PHF20: variants seen among roughly 807,000 people sequenced by gnomAD.
PHF20 encodes glioma-expressed antigen 2.
In PHF20, 23 loss-of-function variants were observed where a neutral mutation model predicts 113.5. That is an observed-to-expected ratio of 0.20 (90% CI 0.15 to 0.29). The LOEUF (loss-of-function observed/expected upper bound fraction) is 0.29. PHF20 is among the 10% of genes least tolerant of loss of function. The probability of loss-of-function intolerance (pLI) is 1.00; values close to 1 mark genes in which losing one functional copy is unlikely to be tolerated. For missense variants in PHF20, 943 were observed against 1,219.6 expected, an observed-to-expected ratio of 0.77 and a Z score of 3.38; for synonymous variants, 434 against 457.3, an observed-to-expected ratio of 0.95 and a Z score of 0.65.
chr20:35,789,391 A>G (rs560423463), intron 1 of PHF20, among the ~76,000 whole-genome samples: 85 of 148,780 alleles, frequency 5.7e-4, no homozygotes, highest in African/African-American at 2.1e-3. Context: ...AGATTGTGCC[A>G]TTGCACTCCA....
At chr20:35,907,308 G>T (rs1600913797) in intron 10 of PHF20, among the ~76,000 whole-genome samples, 2 of 152,312 alleles carry the variant, frequency 1.3e-5, no homozygotes, top group South Asian at 4.1e-4. Context: ...CCTGCAGCTT[G>T]GGGAGAGGAC....
chr20:35,814,031 C>CT (rs1258220059), intron 2 of PHF20, among the ~76,000 whole-genome samples: 7 of 150,290 alleles, frequency 4.7e-5, no homozygotes, highest in Non-Finnish European at 7.4e-5. Context: ...GAATAAGACT[C>CT]TATCTCTAAA....
At chr20:35,820,502 G>A (rs2042150040) in intron 2 of PHF20, among the ~76,000 whole-genome samples, 1 of 148,144 alleles carries the variant, frequency 6.8e-6, no homozygotes, top group Admixed American at 6.8e-5. Flanking sequence ...AGGCTGGAGT[G>A]CAGTGGCATG....
At chr20:35,902,852 A>G (rs917080731) in intron 10 of PHF20, among the ~76,000 whole-genome samples, 4 of 152,138 alleles carry the variant, frequency 2.6e-5, no homozygotes, top group Admixed American at 2.0e-4. Flanking sequence ...GGCCTATAAT[A>G]AACTCTGAAT....
At chr20:35,880,199 A>C (rs915555591) in intron 9 of PHF20, among the ~76,000 whole-genome samples, 4 of 152,152 alleles carry the variant, frequency 2.6e-5, no homozygotes, top group African/African-American at 9.7e-5. Flanking sequence ...TTGGTGCTTT[A>C]GCGGCAGGGA....
rs143750982 is a variant in PHF20 at position 35,911,031 on chromosome 20, C to T, written c.1562-2218C>T. 1.4e-3 allele frequency among the ~76,000 whole-genome samples: 209 copies of T among 151,968 alleles called. 2 individuals carry two copies. The Middle Eastern group carries it at 0.017, about 12-fold the overall frequency. On this transcript the variant is annotated intron_variant, in intron 10 of 17. Transcript: ENST00000374012. ...TTTGAGATTCACTTATGTTGCTGTT[C>T]GTACCTTTTTTTCTATTTTTATTTT... is the stretch of plus-strand genomic sequence containing the variant.
chr20:35,783,450 CTG>C (rs1386074288), intron 1 of PHF20, among the ~76,000 whole-genome samples: 1 of 151,864 alleles, frequency 6.6e-6, no homozygotes, highest in Non-Finnish European at 1.5e-5. Context: ...GACTCTCACT[CTG>C]TTGCTCAGGT....
chr20:35,810,640 G>A (rs2041960697), intron 2 of PHF20, among the ~76,000 whole-genome samples: 1 of 152,112 alleles, frequency 6.6e-6, no homozygotes, highest in South Asian at 2.1e-4. Flanking sequence ...ACTAGGGTTT[G>A]AATCAAAGTA....
intron 9 of PHF20, among the ~76,000 whole-genome samples, chr20:35,895,396 G>T (rs528064993): frequency 6.6e-6 from 1 of 152,118 alleles, no homozygotes; most frequent in African/African-American, 2.4e-5. Flanking sequence ...GACTGCAAGT[G>T]ATCTGCCCGC....
intron 4 of PHF20, among the ~76,000 whole-genome samples, chr20:35,849,174 AAGTT>A (rs2042674565): frequency 6.6e-6 from 1 of 152,140 alleles, no homozygotes; most frequent in African/African-American, 2.4e-5. Context: ...CTGAAACAGA[AAGTT>A]AGTGGGGCAG....
intron 1 of PHF20, among the ~76,000 whole-genome samples, chr20:35,795,973 C>T (rs1489287781): frequency 6.6e-6 from 1 of 152,096 alleles, no homozygotes; most frequent in African/African-American, 2.4e-5. Flanking sequence ...GCCTCAGCCT[C>T]CTGAGTAGCT....
intron 2 of PHF20, among the ~76,000 whole-genome samples, chr20:35,837,488 TCTGC>T (rs1366603303): frequency 1.3e-5 from 2 of 152,230 alleles, no homozygotes; most frequent in Admixed American, 1.3e-4. Context: ...CTCTTCCTTT[TCTGC>T]CTGTACAAAT....
chr20:35,851,973 G>A (rs2042741256), intron 4 of PHF20, among the ~76,000 whole-genome samples: 1 of 151,938 alleles, frequency 6.6e-6, no homozygotes, highest in African/African-American at 2.4e-5. Flanking sequence ...TGACTTGGTG[G>A]TATTGATCCC....
chr20:35,920,382 A>G (rs1056926789), intron 13 of PHF20, among the ~76,000 whole-genome samples: 9 of 152,234 alleles, frequency 5.9e-5, no homozygotes, highest in African/African-American at 2.4e-5. Flanking sequence ...GAACTAAAGC[A>G]ACTCTATGGA....
At chr20:35,800,523 C>T (rs986851538) in intron 1 of PHF20, among the ~76,000 whole-genome samples, 1 of 152,322 alleles carries the variant, frequency 6.6e-6, no homozygotes, top group Non-Finnish European at 1.5e-5. Context: ...GTAATACCAG[C>T]ACTTTGGGAG....
chr20:35,801,809 T>C (rs2041786726), intron 2 of PHF20: 2 of 413,622 alleles, frequency 4.8e-6, no homozygotes, highest in Non-Finnish European at 8.8e-6. Flanking sequence ...TATATTTGTT[T>C]CCCCCTTTTG....
chr20:35,912,106 G>A (rs1339927858), intron 10 of PHF20, among the ~76,000 whole-genome samples: 1 of 151,566 alleles, frequency 6.6e-6, no homozygotes, highest in Non-Finnish European at 1.5e-5. Flanking sequence ...TCAGCCTCCT[G>A]AGTAGCTGGG....
intron 2 of PHF20, among the ~76,000 whole-genome samples, chr20:35,824,355 T>C (rs1411346910): frequency 1.3e-5 from 2 of 152,160 alleles, no homozygotes; most frequent in Non-Finnish European, 2.9e-5. Flanking sequence ...ACGCCTGTAA[T>C]CCAAGCACTT....
At chr20:35,775,855 C>T (rs768937108) in intron 1 of PHF20, among the ~76,000 whole-genome samples, 13 of 151,916 alleles carry the variant, frequency 8.6e-5, no homozygotes, top group Non-Finnish European at 1.5e-4. Context: ...TTCTGTCACC[C>T]AAGCTGGAGT....
Sources: gnomAD v4.1 joint callset for allele counts (sites outside exome capture counted in the v4.1 genomes callset) on GRCh38, gnomAD v4.1.1 for gene constraint, MANE v1.5 for transcripts, NCBI Gene and HGNC (gene_info 2026-07-23, HGNC 2026-07-21) for gene names.